Variants in ABCC4 observed in about 807,000 individuals in gnomAD.
ABCC4 encodes the protein ATP binding cassette subfamily C member 4 (PEL blood group), also known as ATP-binding cassette sub-family C member 4.
A neutral mutation model predicts 168.5 loss-of-function variants in ABCC4; 102 were observed. That is an observed-to-expected ratio of 0.61 (90% confidence interval 0.52 to 0.71). The LOEUF is 0.71. Among genes scored for constraint, ABCC4 ranks in the 30% least tolerant of loss-of-function variants. The pLI, the probability that ABCC4 is intolerant of heterozygous loss-of-function variation, is 0.00. For missense variants in ABCC4, 1,402 were observed against 1,605.8 expected, an observed-to-expected ratio of 0.87 and a Z score of 2.17; for synonymous variants, 617 against 590.7, an observed-to-expected ratio of 1.04 and a Z score of -0.65.
chr13:95,055,837 A>C (rs111409577), intron 26 of ABCC4: 8,759 of 152,082 alleles, frequency 0.058, 309 homozygotes, highest in African/African-American at 0.089. Context: ...GAGCCAAGAT[A>C]GCACCACTGC....
intron 1 of ABCC4, among the ~76,000 whole-genome samples, chr13:95,270,337 T>A (rs2040814799): frequency 2.3e-5 from 1 of 42,704 alleles, no homozygotes. Flanking sequence ...ATTACCAGGC[T>A]GTGAAAAAAA....
chr13:95,190,963 G>C (rs1484541994), intron 9 of ABCC4, among the ~76,000 whole-genome samples: 1 of 152,208 alleles, frequency 6.6e-6, no homozygotes, highest in Non-Finnish European at 1.5e-5. Context: ...AGGCAATGCA[G>C]CCTCCTCAAC....
chr13:95,256,477 C>T (rs1396935720), intron 1 of ABCC4, among the ~76,000 whole-genome samples: 4 of 152,192 alleles, frequency 2.6e-5, no homozygotes, highest in Admixed American at 6.5e-5. Flanking sequence ...GGCCATTGGC[C>T]GGGGACTGTG....
intron 1 of ABCC4, among the ~76,000 whole-genome samples, chr13:95,296,870 G>T (rs1298762556): frequency 6.6e-6 from 1 of 152,180 alleles, no homozygotes; most frequent in Non-Finnish European, 1.5e-5. Context: ...TTCAATAAAT[G>T]ATAATGGGGA....
At chr13:95,177,171 T>C (rs1487120903) in intron 13 of ABCC4, among the ~76,000 whole-genome samples, 2 of 152,262 alleles carry the variant, frequency 1.3e-5, no homozygotes, top group African/African-American at 2.4e-5. Flanking sequence ...TCTTAAATTC[T>C]AGATTTTACT....
chr13:95,113,409 G>A (rs1038523981), intron 20 of ABCC4, among the ~76,000 whole-genome samples: 3 of 152,052 alleles, frequency 2.0e-5, no homozygotes, highest in Non-Finnish European at 4.4e-5. Context: ...TTGGTTGATT[G>A]GGGAAAATGA....
intron 20 of ABCC4, among the ~76,000 whole-genome samples, chr13:95,089,943 T>C (rs1471575836): frequency 6.6e-6 from 1 of 151,130 alleles, no homozygotes; most frequent in Non-Finnish European, 1.5e-5. Flanking sequence ...CAGGACTAGA[T>C]TGCAGCTCTG....
rs2033793189 is a variant in ABCC4, at chr13:95,073,301, A to G, written c.2921T>C (p.Leu974Pro). Residue 974 changes from leucine to proline, a missense_variant, in exon 24 of 31, where the codon CTG becomes CCG. Coordinates refer to ENST00000645237, the MANE Select transcript of ABCC4 (RefSeq NM_005845.5). ...TGCCAAACCAACCTGCCCGGCATCC[A>G]GAGCTACGTAAGGAGGAAGAAGGGA... ...AFGSLILAKT[L>P]DAGQVGLALS... The G allele has an allele frequency of 6.2e-7, 1 of 1,612,756 alleles. No homozygotes were observed. The highest frequency in any genetic ancestry group is 8.5e-7 in the Non-Finnish European group (1 of 1,179,196).
At chr13:95,138,336 T>C (rs2036204502) in intron 19 of ABCC4, among the ~76,000 whole-genome samples, 1 of 152,190 alleles carries the variant, frequency 6.6e-6, no homozygotes. Flanking sequence ...TAATAAAATA[T>C]GTTGGTTTAC....
At chr13:95,256,234 CTAAG>C (rs1161959998) in intron 1 of ABCC4, among the ~76,000 whole-genome samples, 1 of 152,114 alleles carries the variant, frequency 6.6e-6, no homozygotes, top group East Asian at 1.9e-4. Context: ...TCATGCCCGG[CTAAG>C]TGAGTAGGAT....
At chr13:95,215,947 C>T (rs1403254834) in intron 4 of ABCC4, among the ~76,000 whole-genome samples, 5 of 152,192 alleles carry the variant, frequency 3.3e-5, no homozygotes, top group Middle Eastern at 3.4e-3. Flanking sequence ...AAACACTGCT[C>T]ACATCCTCAG....
At chr13:95,048,091 A>T (rs1482365543) in intron 27 of ABCC4, among the ~76,000 whole-genome samples, 1 of 152,230 alleles carries the variant, frequency 6.6e-6, no homozygotes, top group Non-Finnish European at 1.5e-5. Context: ...AAAGAAATAG[A>T]ATTTACATAC....
intron 19 of ABCC4, among the ~76,000 whole-genome samples, chr13:95,120,567 CAAAAAAAAA>C (rs35906536): frequency 3.3e-5 from 3 of 90,842 alleles, no homozygotes; most frequent in African/African-American, 9.1e-5. Flanking sequence ...GAGACTCCGT[CAAAAAAAAA>C]AAAAAAAAAA....
chr13:95,080,157 C>T (rs374954352), intron 21 of ABCC4, among the ~76,000 whole-genome samples: 8 of 152,126 alleles, frequency 5.3e-5, no homozygotes, highest in Admixed American at 2.0e-4. Context: ...CTAGGATGAA[C>T]GAACATGGGA....
At chr13:95,025,943 G>A (rs1191953263) in intron 30 of ABCC4, among the ~76,000 whole-genome samples, 2 of 152,186 alleles carry the variant, frequency 1.3e-5, no homozygotes, top group Non-Finnish European at 2.9e-5. Flanking sequence ...TGGGCTAGGT[G>A]CAATGGCTCA....
chr13:95,224,785 A>G (rs2039409225), intron 4 of ABCC4, among the ~76,000 whole-genome samples: 1 of 152,010 alleles, frequency 6.6e-6, no homozygotes, highest in African/African-American at 2.4e-5. Context: ...TTACATGCTG[A>G]AAAAAAATTA....
Position 95,043,760 on chromosome 13 carries a change from G to A in ABCC4, c.3657C>T (p.Ile1219=). Residue 1219 remains isoleucine, a synonymous_variant, in exon 29 of 31, where the codon ATC becomes ATT. Transcript: ENST00000645237. ...CGGTGCAGTGGGCAAATTTCTCCCGGATTTTTTTTTGTATTAACTCATCAG... is the reference window on the plus strand; with the variant it reads ...CGGTGCAGTGGGCAAATTTCTCCCGAATTTTTTTTTGTATTAACTCATCAG... ...PRTDELIQKK[I]REKFAHCTVL... is the part of the protein sequence containing the mutation. 6.2e-7 allele frequency: 1 copy of A among 1,613,668 alleles called. No homozygotes were observed. Among genetic ancestry groups the A allele is most frequent in the Non-Finnish European group, 8.5e-7 (1 of 1,179,788 alleles).
intron 4 of ABCC4, among the ~76,000 whole-genome samples, chr13:95,224,529 G>C (rs927335154): frequency 1.3e-5 from 2 of 152,118 alleles, no homozygotes; most frequent in Non-Finnish European, 2.9e-5. Context: ...TTGAGGTCAG[G>C]AGTTCAAGAC....
chr13:95,136,275 C>T (rs1361795247), intron 19 of ABCC4, among the ~76,000 whole-genome samples: 1 of 151,982 alleles, frequency 6.6e-6, no homozygotes, highest in African/African-American at 2.4e-5. Flanking sequence ...TGGGCTTAGC[C>T]TCCCAAGTAG....
Sources: gnomAD v4.1 joint callset for allele counts (sites outside exome capture counted in the v4.1 genomes callset) on GRCh38, gnomAD v4.1.1 for gene constraint, MANE v1.5 for transcripts, NCBI Gene and HGNC (gene_info 2026-07-23, HGNC 2026-07-21) for gene names.